The following CRYBG1 variants were observed in gnomAD, a reference collection of about 807,000 sequenced individuals.
CRYBG1 encodes the protein beta/gamma crystallin domain-containing protein 1.
Under a neutral mutation model 189.2 loss-of-function variants are expected in CRYBG1, and 139 were observed. That is an observed-to-expected ratio of 0.73 (90% confidence interval 0.64 to 0.85). CRYBG1 has a LOEUF of 0.85. Ranked by LOEUF, CRYBG1 falls within the 40% of genes least tolerant of loss-of-function variation. The pLI is 0.00. For synonymous variants in CRYBG1, 1,023 were observed against 1,017.1 expected (o/e 1.01, Z -0.11); for missense variants, 2,611 against 2,675.8 (o/e 0.98, Z 0.53).
intron 1 of CRYBG1, among the ~76,000 whole-genome samples, chr6:106,445,251 C>T (rs1023384611): frequency 1.3e-5 from 2 of 152,148 alleles, no homozygotes; most frequent in East Asian, 1.9e-4. Flanking sequence ...TTTCATTTCC[C>T]CATCCAACTT....
At chr6:106,455,766 G>T (rs2114444675) in intron 2 of CRYBG1, among the ~76,000 whole-genome samples, 1 of 151,814 alleles carries the variant, frequency 6.6e-6, no homozygotes, top group East Asian at 1.9e-4. Context: ...GCAAAAAAAG[G>T]TTTTTTGCTT....
chr6:106,542,432 A>G (rs2114571761), intron 10 of CRYBG1, among the ~76,000 whole-genome samples: 1 of 151,190 alleles, frequency 6.6e-6, no homozygotes, highest in Middle Eastern at 3.4e-3. Context: ...ATAGGCATGT[A>G]CCACTACACC....
At chr6:106,555,709 T>C (rs1774521702) in intron 16 of CRYBG1, 59 bp from the exon 17 acceptor site, 1 of 1,570,062 alleles carries the variant, frequency 6.4e-7, no homozygotes, top group Non-Finnish European at 8.7e-7. Flanking sequence ...ATCAGACTTC[T>C]TGAATAGGAG....
At chr6:106,486,552 GTA>G (rs1190153821) in intron 2 of CRYBG1, among the ~76,000 whole-genome samples, 3 of 152,100 alleles carry the variant, frequency 2.0e-5, no homozygotes, top group Non-Finnish European at 2.9e-5. Flanking sequence ...TATGATTACT[GTA>G]TTGCAATCTC....
chr6:106,378,093 T>A (rs926523994), intron 1 of CRYBG1, among the ~76,000 whole-genome samples: 12 of 152,138 alleles, frequency 7.9e-5, no homozygotes, highest in Admixed American at 2.6e-4. Flanking sequence ...GTGGGAGGCC[T>A]AAGGCTTAGG....
rs188809123 is a variant in CRYBG1, at chr6:106,370,728, T to C, written c.173+9647T>C. 1.8e-3 allele frequency among the ~76,000 whole-genome samples: 269 copies of C among 152,076 alleles called. 3 individuals are homozygous for C. The highest frequency in any genetic ancestry group is 4.7e-4 in the Non-Finnish European group (32 of 68,026). On this transcript the variant is annotated intron_variant, in intron 1 of 21. Coordinates refer to ENST00000633556, the MANE Select transcript of CRYBG1 (RefSeq NM_001371242.2). ...CAGGACTAAAACTCAGATTTTCTGATTTTTTCTTAGCTGTTCTTTTGGGTT... is the reference window on the plus strand; with the variant it reads ...CAGGACTAAAACTCAGATTTTCTGACTTTTTCTTAGCTGTTCTTTTGGGTT...
intron 2 of CRYBG1, among the ~76,000 whole-genome samples, chr6:106,507,878 G>T (rs1377061244): frequency 6.6e-6 from 1 of 152,138 alleles, no homozygotes; most frequent in Non-Finnish European, 1.5e-5. Flanking sequence ...ACAGGGACCT[G>T]GTCCCGTGGG....
At chr6:106,396,355 G>A (rs1357463375) in intron 1 of CRYBG1, among the ~76,000 whole-genome samples, 1 of 152,086 alleles carries the variant, frequency 6.6e-6, no homozygotes, top group African/African-American at 2.4e-5. Flanking sequence ...TATAAATTCA[G>A]TGGAAAGCAA....
chr6:106,502,139 A>G (rs1341401139), intron 2 of CRYBG1, among the ~76,000 whole-genome samples: 1 of 152,118 alleles, frequency 6.6e-6, no homozygotes, highest in Non-Finnish European at 1.5e-5. Flanking sequence ...CCCCCAACTT[A>G]ATCACCATCT....
At chr6:106,384,395 C>A (rs1770345856) in intron 1 of CRYBG1, among the ~76,000 whole-genome samples, 1 of 152,132 alleles carries the variant, frequency 6.6e-6, no homozygotes, top group South Asian at 2.1e-4. Context: ...CACTTTGTCT[C>A]TCTTATTACT....
intron 1 of CRYBG1, among the ~76,000 whole-genome samples, chr6:106,441,858 A>G (rs1235358099): frequency 2.6e-5 from 4 of 152,362 alleles, no homozygotes; most frequent in East Asian, 3.9e-4. Context: ...ATGAACCTCC[A>G]TAAGAATTAT....
chr6:106,483,402 A>ATATATATATGTATATATAT, intron 2 of CRYBG1, among the ~76,000 whole-genome samples: 2 of 88,434 alleles, frequency 2.3e-5, no homozygotes, highest in Middle Eastern at 6.0e-3. Context: ...ATATATATAT[A>ATATATATATGTATATATAT]AAACATTTTC....
chr6:106,538,418 C>T lies in CRYBG1; in HGVS notation c.4719-985C>T, dbSNP rs537364616. ...AGGGTGTGGTATTGAAAAGCCATAA[C>T]AATCAGAACCAAGAACTCAAAAAGC... On this transcript the variant is annotated intron_variant, in intron 8 of 21. Coordinates refer to ENST00000633556, the MANE Select transcript of CRYBG1 (RefSeq NM_001371242.2). 2.6e-5 allele frequency among the ~76,000 whole-genome samples: 4 copies of T among 152,242 alleles called. No homozygotes were observed. The South Asian group carries it at 6.2e-4, about 24-fold the overall frequency.
At chr6:106,471,803 T>TA (rs36006580) in intron 2 of CRYBG1, among the ~76,000 whole-genome samples, 3,329 of 135,952 alleles carry the variant, frequency 0.024, 51 homozygotes, top group African/African-American at 0.054. Context: ...GCCAGACAGT[T>TA]AAAAAAAAAA....
intron 13 of CRYBG1, among the ~76,000 whole-genome samples, chr6:106,549,821 TA>T (rs1165201260): frequency 6.6e-6 from 1 of 152,192 alleles, no homozygotes; most frequent in Non-Finnish European, 1.5e-5. Flanking sequence ...CATATTCTAG[TA>T]ATTACTGTAC....
intron 1 of CRYBG1, among the ~76,000 whole-genome samples, chr6:106,389,718 T>C (rs1040693413): frequency 3.3e-5 from 5 of 152,064 alleles, no homozygotes; most frequent in African/African-American, 9.7e-5. Flanking sequence ...GTGGGAGAGA[T>C]AGTTGAGTCT....
chr6:106,419,275 C>A (rs1771081640), intron 1 of CRYBG1, among the ~76,000 whole-genome samples: 1 of 152,226 alleles, frequency 6.6e-6, no homozygotes, highest in Admixed American at 6.5e-5. Context: ...AAAAGGGAAA[C>A]CTTACCAAGG....
intron 1 of CRYBG1, among the ~76,000 whole-genome samples, chr6:106,443,327 A>G (rs1348332046): frequency 6.6e-6 from 1 of 152,232 alleles, no homozygotes; most frequent in Non-Finnish European, 1.5e-5. Flanking sequence ...CACATTCATA[A>G]TGTTTTATAT....
At chr6:106,374,613 C>T (rs1231453243) in intron 1 of CRYBG1, among the ~76,000 whole-genome samples, 1 of 152,106 alleles carries the variant, frequency 6.6e-6, no homozygotes, top group African/African-American at 2.4e-5. Context: ...ACTTAATCCT[C>T]ACAGAGGATG....
Sources: allele counts gnomAD v4.1 joint callset (sites outside exome capture counted in the v4.1 genomes callset), GRCh38; gene constraint gnomAD v4.1.1; transcripts MANE v1.5; gene names NCBI Gene and HGNC (gene_info 2026-07-23, HGNC 2026-07-21).